IKBKB: variants seen among roughly 807,000 people sequenced by gnomAD.
IKBKB encodes the protein inhibitor of nuclear factor kappa B kinase subunit beta.
Under a neutral mutation model 113.6 loss-of-function variants are expected in IKBKB, and 42 were observed. The ratio of observed to expected loss-of-function variants is 0.37; its 90% confidence interval spans 0.29 to 0.48. The LOEUF (loss-of-function observed/expected upper bound fraction) is 0.48, where lower values mean the gene tolerates loss of function less well. IKBKB is among the 20% of genes least tolerant of loss of function. The pLI is 0.99. For synonymous variants in IKBKB, 296 were observed against 361.3 expected, an observed-to-expected ratio of 0.82 and a Z score of 2.05; for missense variants, 673 against 939.7, an observed-to-expected ratio of 0.72 and a Z score of 3.71.
At chr8:42,318,083 A>T (rs1384535166) in intron 12 of IKBKB, among the ~76,000 whole-genome samples, 1 of 151,884 alleles carries the variant, frequency 6.6e-6, no homozygotes, top group African/African-American at 2.4e-5. Flanking sequence ...GTAATATAGT[A>T]AGCTCGCAAG....
intron 5 of IKBKB, among the ~76,000 whole-genome samples, chr8:42,296,003 A>G (rs769675312): frequency 2.3e-4 from 35 of 151,142 alleles, no homozygotes; most frequent in Non-Finnish European, 4.0e-4. Flanking sequence ...TAGGTCTCCT[A>G]TAGATAGATA....
chr8:42,305,316 T>G (rs1816291317), intron 6 of IKBKB, 41 bp downstream of exon 6: 1 of 1,266,512 alleles, frequency 7.9e-7, no homozygotes, highest in African/African-American at 1.5e-5. Flanking sequence ...CAGGTGGGCG[T>G]GCCGGGAAGT....
chr8:42,271,991 A>C (rs531826321), intron 1 of IKBKB, 92 bp from the exon 2 acceptor site: 17 of 1,268,382 alleles, frequency 1.3e-5, no homozygotes, highest in Non-Finnish European at 1.5e-5. Flanking sequence ...TCTCCCATTC[A>C]AGAGCAGTGG....
Position 42,295,452 on chromosome 8 carries a change from C to T in IKBKB, c.388+1940C>T, listed in dbSNP as rs1029828065. 2.6e-5 allele frequency among the ~76,000 whole-genome samples: 4 copies of T among 152,136 alleles called. No homozygotes were observed. The East Asian group carries it at 5.8e-4, about 22-fold the overall frequency. On this transcript the variant is annotated intron_variant, in intron 5 of 21. Transcript: ENST00000520810. ...TTAAATTATTGGCACAAGTGCCGGG[C>T]GCAGTGGCTCACGCCTGCAATCCCA...
chr8:42,276,291 G>C (rs774179819), intron 2 of IKBKB, among the ~76,000 whole-genome samples: 16 of 152,160 alleles, frequency 1.1e-4, no homozygotes, highest in Non-Finnish European at 1.6e-4. Flanking sequence ...CATTTTAACT[G>C]TGGTGAGATG....
At chr8:42,303,525 G>A (rs62507978) in intron 5 of IKBKB, among the ~76,000 whole-genome samples, 1 of 148,340 alleles carries the variant, frequency 6.7e-6, no homozygotes, top group Non-Finnish European at 1.5e-5. Context: ...TTTTTTTTAG[G>A]TAGAGTCTTA....
At position 42,316,465 on chromosome 8, in the gene IKBKB, T is replaced by C. The variant is rs1481081823; in HGVS notation, c.930+126T>C. On this transcript the variant is annotated intron_variant, in intron 10 of 21. Coordinates refer to ENST00000520810, the MANE Select transcript of IKBKB (RefSeq NM_001556.3). The surrounding 1 kb of genome is among the most constrained non-coding windows in gnomAD (Gnocchi z 4.5). Reference sequence around the variant, plus strand: ...GAGGAAATTTAGGCTCCTGCATCAGTCTTTCTGCATAAGTAAAGAAAGGAC... The same window carrying C: ...GAGGAAATTTAGGCTCCTGCATCAGCCTTTCTGCATAAGTAAAGAAAGGAC... 1 of 1,144,182 alleles carries C rather than the reference T, an allele frequency of 8.7e-7. No individual in the cohort carries two copies. Among genetic ancestry groups the C allele is most frequent in the African/African-American group, 1.5e-5 (1 of 64,572 alleles). 70.9% of individuals were successfully genotyped at this position (1,144,182 alleles called of 1,614,324 possible). A position where few individuals can be genotyped will look rare whatever the true frequency, so the allele number is the denominator to read the frequency against.
chr8:42,271,461 T>TA lies in IKBKB; in HGVS notation c.-27_-26insA. 1 of 1,036,638 alleles carries TA rather than the reference T, an allele frequency of 9.6e-7. No individual in the cohort carries two copies. The highest frequency in any genetic ancestry group is 1.3e-6 in the Non-Finnish European group (1 of 747,602). 64.2% of individuals were successfully genotyped at this position (1,036,638 alleles called of 1,614,324 possible). On this transcript the variant is annotated 5_prime_UTR_variant, in exon 1 of 22. An upstream open reading frame in the 5' UTR gains an earlier in-frame stop. Coordinates refer to ENST00000520810, the MANE Select transcript of IKBKB (RefSeq NM_001556.3). ...GAGCCCGCCCCCTGCCCCGCGTCCC[T>TA]GCCGACAGGTGAGTCCCCCTCGTGG...
At chr8:42,286,188 T>G (rs961069728) in intron 2 of IKBKB, among the ~76,000 whole-genome samples, 4 of 152,134 alleles carry the variant, frequency 2.6e-5, no homozygotes, top group African/African-American at 4.8e-5. Flanking sequence ...ATTTTAGAAG[T>G]GTTGACAGTA....
intron 5 of IKBKB, among the ~76,000 whole-genome samples, chr8:42,299,898 A>C (rs541135654): frequency 6.6e-6 from 1 of 152,150 alleles, no homozygotes; most frequent in Non-Finnish European, 1.5e-5. Context: ...GACGCTTGGC[A>C]TTGCCATTAC....
At chr8:42,301,712 TAGTC>T (rs1330690955) in intron 5 of IKBKB, among the ~76,000 whole-genome samples, 4 of 152,242 alleles carry the variant, frequency 2.6e-5, no homozygotes, top group Admixed American at 6.5e-5. Context: ...ATATTAATAG[TAGTC>T]AGAGTATTCA....
intron 2 of IKBKB, among the ~76,000 whole-genome samples, chr8:42,285,876 A>G (rs1811318037): frequency 6.6e-6 from 1 of 152,192 alleles, no homozygotes; most frequent in Non-Finnish European, 1.5e-5. Flanking sequence ...ATCCGTAGAG[A>G]CAGAAAGAGG....
chr8:42,321,002 A>T (rs1023342826), intron 16 of IKBKB, 158 bp downstream of exon 16: 2 of 518,536 alleles, frequency 3.9e-6, no homozygotes, highest in African/African-American at 2.0e-5. Context: ...ACTGAGCTTC[A>T]GTTTCCAAAT....
intron 2 of IKBKB, among the ~76,000 whole-genome samples, chr8:42,273,377 T>C (rs907477960): frequency 1.3e-5 from 2 of 151,688 alleles, no homozygotes; most frequent in Non-Finnish European, 2.9e-5. Context: ...ATAGTGTCAC[T>C]GCATTCCAGC....
intron 5 of IKBKB, among the ~76,000 whole-genome samples, chr8:42,295,485 G>A (rs373096284): frequency 6.6e-6 from 1 of 152,196 alleles, no homozygotes; most frequent in African/African-American, 2.4e-5. Flanking sequence ...CCAGCACTTT[G>A]GGGGGCTGAT....
chr8:42,321,991 T>C (rs1472351826), intron 17 of IKBKB, 46 bp downstream of exon 17: 2 of 1,608,514 alleles, frequency 1.2e-6, no homozygotes, highest in East Asian at 4.5e-5. Context: ...TTATCTCATT[T>C]ATGGGGCATC....
chr8:42,271,578 G>A (rs1372636096), intron 1 of IKBKB, 109 bp downstream of exon 1: 5 of 557,798 alleles, frequency 9.0e-6, no homozygotes, highest in Non-Finnish European at 1.2e-5. Context: ...CGCAGCTTGC[G>A]GACTGGGGAG....
chr8:42,294,762 C>T (rs568049964), intron 5 of IKBKB, among the ~76,000 whole-genome samples: 145 of 152,282 alleles, frequency 9.5e-4, no homozygotes, highest in African/African-American at 3.3e-3. Context: ...GCACATGGCC[C>T]GCATGAGTCT....
Position 42,317,772 on chromosome 8 carries a change from G to C in IKBKB, c.1240+1G>C. 1 of 1,590,768 alleles carries C rather than the reference G, an allele frequency of 6.3e-7. No homozygotes were observed. Among genetic ancestry groups the C allele is most frequent in the Middle Eastern group, 1.7e-4 (1 of 6,032 alleles). Reference sequence around the variant, plus strand: ...CAACCTGAAAGTGTCAGCTGTATCCGTAAGAATTTGTTATGTTTTGTTTTT... The same window carrying C: ...CAACCTGAAAGTGTCAGCTGTATCCCTAAGAATTTGTTATGTTTTGTTTTT... On this transcript the variant is annotated splice_donor_variant, in intron 12 of 21. Coordinates refer to ENST00000520810, the MANE Select transcript of IKBKB (RefSeq NM_001556.3). LOFTEE classifies it high-confidence loss of function.
Sources: allele counts gnomAD v4.1 joint callset (sites outside exome capture counted in the v4.1 genomes callset), GRCh38; gene constraint gnomAD v4.1.1; non-coding constraint Gnocchi (gnomAD v3.1); transcripts MANE v1.5; gene names NCBI Gene and HGNC (gene_info 2026-07-23, HGNC 2026-07-21).